The following TERF1 variants were observed in gnomAD, a reference collection of about 807,000 sequenced individuals.
The protein encoded by TERF1 is telomeric repeat-binding factor 1.
TERF1 carries 20 observed loss-of-function variants against 55.1 expected under a neutral mutation model. That is an observed-to-expected ratio of 0.36 (90% CI 0.26 to 0.53). The LOEUF (loss-of-function observed/expected upper bound fraction) is 0.53, where lower values mean the gene tolerates loss of function less well. Among genes scored for constraint, TERF1 ranks in the 20% least tolerant of loss-of-function variants. The pLI, the probability that TERF1 is intolerant of heterozygous loss-of-function variation, is 0.91. For synonymous variants in TERF1, 168 were observed against 181.2 expected (o/e 0.93, Z 0.59); for missense variants, 439 against 535.7 (o/e 0.82, Z 1.78).
intron 4 of TERF1, among the ~76,000 whole-genome samples, chr8:73,023,269 A>G (rs1244418224): frequency 3.3e-5 from 5 of 152,234 alleles, no homozygotes; most frequent in Non-Finnish European, 7.3e-5. Context: ...GTGTGAAAGA[A>G]TTCTAGTTGC....
At chr8:73,017,999 G>A (rs549778247) in intron 2 of TERF1, among the ~76,000 whole-genome samples, 23 of 152,202 alleles carry the variant, frequency 1.5e-4, no homozygotes, top group Middle Eastern at 6.8e-3. Flanking sequence ...GTGAGCCACC[G>A]CGCCTGGCCA....
chr8:73,038,902 T>C (rs987649674), intron 8 of TERF1: 6 of 535,238 alleles, frequency 1.1e-5, no homozygotes, highest in Non-Finnish European at 1.7e-5. Flanking sequence ...TAAAGACATA[T>C]AAAAGAATCA....
At chr8:73,043,819 G>A (rs1230113488) in intron 9 of TERF1, among the ~76,000 whole-genome samples, 5 of 152,184 alleles carry the variant, frequency 3.3e-5, no homozygotes, top group Non-Finnish European at 7.4e-5. Flanking sequence ...AGAAAACAAT[G>A]CTGTATATGT....
At position 73,022,310 on chromosome 8, in the gene TERF1, T is replaced by G; in HGVS notation, c.624+8T>G. ...GATCCAAATTCTCATATGGTAATTA[T>G]TTAAATTAAAACCATAGAATTTTAG... On this transcript the variant is annotated splice_region_variant and intron_variant, in intron 4 of 9. Transcript: ENST00000276603. 6.6e-7 allele frequency: 1 copy of G among 1,518,846 alleles called. No homozygotes were observed. Among genetic ancestry groups the G allele is most frequent in the Non-Finnish European group, 9.0e-7 (1 of 1,116,936 alleles). The allele number at this position is 1,518,846 out of a possible 1,614,324, so 94.1% of individuals were successfully genotyped here.
intron 6 of TERF1, among the ~76,000 whole-genome samples, chr8:73,028,509 C>T (rs1012633576): frequency 4.6e-5 from 7 of 151,646 alleles, no homozygotes; most frequent in African/African-American, 1.5e-4. Flanking sequence ...CCTTTTGGCT[C>T]CTATTTCCTA....
intron 2 of TERF1, among the ~76,000 whole-genome samples, chr8:73,015,306 C>T (rs1242380483): frequency 2.2e-5 from 3 of 137,158 alleles, no homozygotes; most frequent in Non-Finnish European, 3.1e-5. Flanking sequence ...ATACATAACC[C>T]TTTTGCTTTT....
chr8:73,038,660 T>C (rs1563473036), intron 8 of TERF1: 3 of 552,530 alleles, frequency 5.4e-6, no homozygotes, highest in Non-Finnish European at 6.9e-6. Context: ...GTTTTCTGCC[T>C]AAACAATTAT....
rs1345560257 is a variant in TERF1 at position 73,022,666 on chromosome 8, G to A, written c.624+364G>A. On this transcript the variant is annotated intron_variant, in intron 4 of 9. Transcript: ENST00000276603. ...AGTCATATTAAAAAAGTAAAAAGAG[G>A]CCCGGTGCAATAGCTCATGCCTATA... Among the ~76,000 whole-genome samples the A allele has an allele frequency of 2.0e-5, 3 of 152,046 alleles. No homozygotes were observed. The East Asian group carries it at 5.8e-4, about 29-fold the overall frequency.
intron 6 of TERF1, among the ~76,000 whole-genome samples, chr8:73,027,424 T>C (rs1178230080): frequency 1.3e-5 from 2 of 152,196 alleles, no homozygotes; most frequent in African/African-American, 2.4e-5. Flanking sequence ...ATATTATTCA[T>C]ATATCTTCTC....
At chr8:73,030,215 A>G (rs1021522009) in intron 6 of TERF1, 121 bp from the exon 7 acceptor site, 11 of 626,028 alleles carry the variant, frequency 1.8e-5, no homozygotes, top group Admixed American at 7.9e-5. Flanking sequence ...CGATGTTACC[A>G]AGGTTTCTTT....
At chr8:73,010,518 A>G (rs930683999) in intron 1 of TERF1, 1 of 152,234 alleles carries the variant, frequency 6.6e-6, no homozygotes, top group Non-Finnish European at 1.5e-5. Context: ...ACAAATATGT[A>G]TTTCCTTACT....
intron 1 of TERF1, chr8:73,010,203 C>T (rs917330334): frequency 2.0e-5 from 3 of 152,200 alleles, no homozygotes; most frequent in Non-Finnish European, 2.9e-5. Flanking sequence ...CACATTTCAT[C>T]TTCACCATAA....
chr8:73,041,099 G>C (rs1809813392), intron 9 of TERF1, among the ~76,000 whole-genome samples: 1 of 152,048 alleles, frequency 6.6e-6, no homozygotes, highest in Admixed American at 6.6e-5. Flanking sequence ...TCTTGAGTGT[G>C]GTCCTGGTGC....
intron 5 of TERF1, among the ~76,000 whole-genome samples, chr8:73,025,749 T>C (rs1207181421): frequency 4.1e-5 from 4 of 96,928 alleles, no homozygotes; most frequent in Non-Finnish European, 7.8e-5. Context: ...AGTGAGACTC[T>C]GTCTCAAAAA....
chr8:73,028,036 A>G (rs2129815866), intron 6 of TERF1, among the ~76,000 whole-genome samples: 1 of 152,326 alleles, frequency 6.6e-6, no homozygotes. Flanking sequence ...CTCCAATTTA[A>G]GAAGTAGAGA....
intron 9 of TERF1, among the ~76,000 whole-genome samples, chr8:73,042,319 C>T (rs1809867374): frequency 6.6e-6 from 1 of 152,148 alleles, no homozygotes; most frequent in Non-Finnish European, 1.5e-5. Context: ...TAATATCTAT[C>T]ACCATTTCCT....
chr8:73,032,093 A>G lies in TERF1; in HGVS notation c.999A>G (p.Gln333=). The G allele has an allele frequency of 6.2e-7, 1 of 1,612,546 alleles. No individual in the cohort carries two copies. Among genetic ancestry groups the G allele is most frequent in the Non-Finnish European group, 8.5e-7 (1 of 1,179,538 alleles). The change falls in exon 8 of 10, where the codon CAA becomes CAG. Residue 333 remains glutamine, a synonymous_variant. Coordinates refer to ENST00000276603, the MANE Select transcript of TERF1 (RefSeq NM_017489.3). ...LSKLQHGTQQ[Q]DLNKKERRVG... ...AGTTGCAACATGGAACCCAGCAACA[A>G]GACCTTAATAAGAAAGAAAGAAGAG...
At chr8:73,045,563 GT>G in intron 9 of TERF1, among the ~76,000 whole-genome samples, 1 of 152,256 alleles carries the variant, frequency 6.6e-6, no homozygotes, top group East Asian at 1.9e-4. Flanking sequence ...GGCAGAACAG[GT>G]TTTTCACTGA....
At chr8:73,025,161 C>A (rs1808925046) in intron 5 of TERF1, among the ~76,000 whole-genome samples, 190 bp downstream of exon 5, 3 of 151,984 alleles carry the variant, frequency 2.0e-5, no homozygotes, top group Admixed American at 6.6e-5. Context: ...ACTTTTGTAA[C>A]TTTTCAAAAT....
Sources: gnomAD v4.1 joint callset for allele counts (sites outside exome capture counted in the v4.1 genomes callset) on GRCh38, gnomAD v4.1.1 for gene constraint, MANE v1.5 for transcripts, NCBI Gene and HGNC (gene_info 2026-07-23, HGNC 2026-07-21) for gene names.